The following STRN variants were observed in gnomAD, a reference collection of about 807,000 sequenced individuals.
The protein encoded by STRN is striatin, also known as protein phosphatase 2 regulatory subunit B'''alpha.
A neutral mutation model predicts 96.3 loss-of-function variants in STRN; 53 were observed. The observed-to-expected ratio is 0.55, with a 90% confidence interval of 0.44 to 0.69. The LOEUF (loss-of-function observed/expected upper bound fraction) is 0.69, where lower values mean the gene tolerates loss of function less well. Ranked by LOEUF, STRN falls within the 30% of genes least tolerant of loss-of-function variation. The probability of loss-of-function intolerance (pLI) is 0.00; values close to 1 mark genes in which losing one functional copy is unlikely to be tolerated. For missense variants in STRN, 987 were observed against 963.9 expected (o/e 1.02, Z -0.32); for synonymous variants, 428 against 355.9 (o/e 1.20, Z -2.28).
At chr2:36,882,561 G>A (rs956662388) in intron 9 of STRN, among the ~76,000 whole-genome samples, 2 of 152,010 alleles carry the variant, frequency 1.3e-5, no homozygotes, top group Admixed American at 6.6e-5. Flanking sequence ...GAGCCCAGGA[G>A]TTTGAGATCA....
intron 3 of STRN, among the ~76,000 whole-genome samples, chr2:36,911,588 C>A (rs1423661284): frequency 2.0e-5 from 3 of 152,160 alleles, no homozygotes; most frequent in Non-Finnish European, 4.4e-5. Context: ...CTATCCGGCC[C>A]TTTACAGAAA....
At chr2:36,911,768 AACT>A (rs1318429822) in intron 3 of STRN, among the ~76,000 whole-genome samples, 1 of 152,078 alleles carries the variant, frequency 6.6e-6, no homozygotes, top group Non-Finnish European at 1.5e-5. Flanking sequence ...CCGTGAATTC[AACT>A]ATTAACTATC....
At chr2:36,867,732 G>C (rs1668665541) in intron 12 of STRN, 82 bp downstream of exon 12, 11 of 888,032 alleles carry the variant, frequency 1.2e-5, no homozygotes, top group South Asian at 7.1e-5. Flanking sequence ...AGAATACCTA[G>C]TAAGTGAAAG....
chr2:36,948,594 G>T (rs1664667901), intron 1 of STRN, among the ~76,000 whole-genome samples: 1 of 152,182 alleles, frequency 6.6e-6, no homozygotes, highest in African/African-American at 2.4e-5. Context: ...AGTTGCCAAA[G>T]AGATGAGAGA....
intron 15 of STRN, among the ~76,000 whole-genome samples, chr2:36,853,540 C>T (rs774208019): frequency 1.1e-4 from 16 of 152,282 alleles, no homozygotes; most frequent in South Asian, 4.1e-4. Flanking sequence ...TCAGAGAAGT[C>T]GGCAGAATGC....
intron 1 of STRN, among the ~76,000 whole-genome samples, 198 bp from the exon 2 acceptor site, chr2:36,925,406 G>A (rs568120241): frequency 6.6e-6 from 1 of 152,120 alleles, no homozygotes; most frequent in South Asian, 2.1e-4. Flanking sequence ...GGGCTGGGGG[G>A]ACATCTAAAT....
At chr2:36,894,440 C>T (rs1669486355) in intron 6 of STRN, among the ~76,000 whole-genome samples, 1 of 152,132 alleles carries the variant, frequency 6.6e-6, no homozygotes, top group African/African-American at 2.4e-5. Context: ...GATTTAACAA[C>T]AAATTGGTAA....
At chr2:36,931,578 A>G (rs779691437) in intron 1 of STRN, among the ~76,000 whole-genome samples, 12 of 152,228 alleles carry the variant, frequency 7.9e-5, no homozygotes, top group Non-Finnish European at 1.2e-4. Flanking sequence ...CCTGGCAGTT[A>G]TTGGTACTGG....
At chr2:36,877,812 G>A (rs1668954369) in intron 10 of STRN, 79 bp downstream of exon 10, 4 of 1,537,814 alleles carry the variant, frequency 2.6e-6, no homozygotes, top group Admixed American at 1.7e-5. Context: ...CTGGATTACA[G>A]GCGTGAGCCA....
At chr2:36,951,827 A>G (rs777451581) in intron 1 of STRN, among the ~76,000 whole-genome samples, 1 of 152,242 alleles carries the variant, frequency 6.6e-6, no homozygotes, top group Non-Finnish European at 1.5e-5. Context: ...ATATGGGTCC[A>G]TGGCCTGTTA....
intron 9 of STRN, among the ~76,000 whole-genome samples, chr2:36,882,114 A>T (rs774286647): frequency 6.6e-6 from 1 of 152,222 alleles, no homozygotes; most frequent in African/African-American, 2.4e-5. Flanking sequence ...TTCACTGAAG[A>T]AGTATTCCAA....
At chr2:36,935,052 T>C (rs1358203849) in intron 1 of STRN, among the ~76,000 whole-genome samples, 1 of 152,198 alleles carries the variant, frequency 6.6e-6, no homozygotes, top group African/African-American at 2.4e-5. Context: ...TGCTCTAGCC[T>C]GGGCAACAGA....
intron 3 of STRN, among the ~76,000 whole-genome samples, chr2:36,906,515 A>T (rs914319078): frequency 2.6e-5 from 4 of 152,030 alleles, no homozygotes; most frequent in Non-Finnish European, 4.4e-5. Context: ...TAATTTTTTT[A>T]AAAAAAGAAC....
intron 1 of STRN, among the ~76,000 whole-genome samples, chr2:36,958,754 C>G (rs917314098): frequency 2.0e-5 from 3 of 152,200 alleles, no homozygotes; most frequent in African/African-American, 7.2e-5. Flanking sequence ...AAGATAGCAA[C>G]TGAGAAATCT....
intron 4 of STRN, 144 bp downstream of exon 4, chr2:36,905,396 A>T (rs1669794791): frequency 4.3e-6 from 3 of 689,846 alleles, no homozygotes; most frequent in Admixed American, 2.9e-5. Context: ...TAATATGAAA[A>T]AGGAACAGTA....
chr2:36,889,131 A>G (rs1333278442), intron 7 of STRN, among the ~76,000 whole-genome samples: 1 of 152,218 alleles, frequency 6.6e-6, no homozygotes, highest in Admixed American at 6.5e-5. Context: ...TGTAAGCACC[A>G]GAAGAATAAG....
At chr2:36,853,390 G>C (rs1474066946) in intron 15 of STRN, among the ~76,000 whole-genome samples, 1 of 152,190 alleles carries the variant, frequency 6.6e-6, no homozygotes, top group Non-Finnish European at 1.5e-5. Flanking sequence ...CATATATTCT[G>C]AGAGAGACGT....
intron 12 of STRN, among the ~76,000 whole-genome samples, chr2:36,863,597 G>A (rs1376506121): frequency 2.6e-5 from 4 of 152,178 alleles, no homozygotes; most frequent in East Asian, 3.9e-4. Flanking sequence ...TTTGAAGTCA[G>A]GTAATGTGAT....
intron 17 of STRN, 23 bp downstream of exon 17, chr2:36,849,691 T>C (rs1668171840): frequency 5.0e-6 from 8 of 1,613,614 alleles, no homozygotes; most frequent in Non-Finnish European, 5.9e-6. Flanking sequence ...GACAAATAAA[T>C]AATCCATAGT....
Sources: allele counts gnomAD v4.1 joint callset (sites outside exome capture counted in the v4.1 genomes callset), GRCh38; gene constraint gnomAD v4.1.1; transcripts MANE v1.5; gene names NCBI Gene and HGNC (gene_info 2026-07-23, HGNC 2026-07-21).